Variants in GABRA3 observed in about 807,000 individuals in gnomAD.
The protein encoded by GABRA3 is gamma-aminobutyric acid type A receptor subunit alpha3.
A neutral mutation model predicts 30.1 loss-of-function variants in GABRA3; 10 were observed. That is an observed-to-expected ratio of 0.33 (90% CI 0.20 to 0.56). GABRA3 has a LOEUF of 0.56. Among genes scored for constraint, GABRA3 ranks in the 20% least tolerant of loss-of-function variants. GABRA3 has a pLI of 0.89. For synonymous variants in GABRA3, 151 were observed against 146.8 expected, an observed-to-expected ratio of 1.03 and a Z score of -0.21; for missense variants, 233 against 392.0, an observed-to-expected ratio of 0.59 and a Z score of 3.42.
At chrX:152,273,885 T>A (rs1361400530) in intron 4 of GABRA3, among the ~76,000 whole-genome samples, 1 of 111,584 alleles carries the variant, frequency 9.0e-6, no homozygotes, top group Non-Finnish European at 1.9e-5. Context: ...AAAGTGTATA[T>A]GTATTATTTT....
At position 152,235,382 on chromosome X, in the gene GABRA3, C is replaced by A. The variant is rs367593301; in HGVS notation, c.552-10537G>T. ...GGTAGAGTCTCTGGGATTTTGCAGC[C>A]GGAGCAATTAGGCAAGGGAAAGAAA... On this transcript the variant is annotated intron_variant, in intron 5 of 9. Coordinates refer to ENST00000370314, the MANE Select transcript of GABRA3 (RefSeq NM_000808.4). 6.3e-5 allele frequency among the ~76,000 whole-genome samples: 7 copies of A among 110,602 alleles called. No individual in the cohort carries two copies. The East Asian group carries it at 2.0e-3, about 32-fold the overall frequency.
rs147266445 is a variant in GABRA3 at position 152,405,065 on chromosome X, C to T, written c.-26-40469G>A. Among the ~76,000 whole-genome samples, 527 of 108,362 alleles carry T rather than the reference C, an allele frequency of 4.9e-3. 1 individual carries two copies. The highest frequency in any genetic ancestry group is 9.5e-3 in the Middle Eastern group (2 of 211). 94.1% of individuals were successfully genotyped at this position (108,362 alleles called of 115,157 possible). A position where few individuals can be genotyped will look rare whatever the true frequency, so the allele number is the denominator to read the frequency against. On this transcript the variant is annotated intron_variant, in intron 1 of 9. Coordinates refer to ENST00000370314, the MANE Select transcript of GABRA3 (RefSeq NM_000808.4). ...TTTAATATAATATCAAGGGAGGAGG[C>T]ATTGAAGAGGATAAGAAAGACAGTC...
intron 1 of GABRA3, among the ~76,000 whole-genome samples, chrX:152,388,714 T>C (rs1287857652): frequency 8.9e-6 from 1 of 112,510 alleles, no homozygotes; most frequent in Non-Finnish European, 1.9e-5. Context: ...TTCAGGCAGA[T>C]ACTGCATGTA....
At chrX:152,374,643 C>T (rs763995179) in intron 1 of GABRA3, among the ~76,000 whole-genome samples, 9 of 111,886 alleles carry the variant, frequency 8.0e-5, no homozygotes, top group Admixed American at 2.8e-4. Context: ...AGCCACCGCG[C>T]TTGGCCCAAT....
At chrX:152,429,237 T>C (rs1425438641) in intron 1 of GABRA3, among the ~76,000 whole-genome samples, 1 of 110,634 alleles carries the variant, frequency 9.0e-6, no homozygotes, top group Non-Finnish European at 1.9e-5. Flanking sequence ...ACTACTTCTA[T>C]TAATCTACCT....
intron 2 of GABRA3, among the ~76,000 whole-genome samples, chrX:152,354,896 A>G (rs183046649): frequency 1.4e-3 from 154 of 112,028 alleles, no homozygotes; most frequent in East Asian, 5.7e-3. Context: ...GTATTGATGC[A>G]TTGATTCTTT....
chrX:152,399,717 T>C (rs936530469), intron 1 of GABRA3, among the ~76,000 whole-genome samples: 4 of 111,652 alleles, frequency 3.6e-5, no homozygotes, highest in African/African-American at 1.3e-4. Flanking sequence ...TAGATACAGA[T>C]TGGATTTAAA....
chrX:152,402,386 G>A (rs188118637), intron 1 of GABRA3, among the ~76,000 whole-genome samples: 12 of 112,072 alleles, frequency 1.1e-4, no homozygotes, highest in Non-Finnish European at 2.3e-4. Context: ...TCTGTGTGAT[G>A]TAATCTCTTT....
intron 4 of GABRA3, among the ~76,000 whole-genome samples, chrX:152,276,000 G>C (rs1380269053): frequency 9.1e-6 from 1 of 110,023 alleles, no homozygotes; most frequent in Admixed American, 9.9e-5. Context: ...CTAATATTAG[G>C]AAATCTATTG....
At chrX:152,357,477 T>C (rs1366087781) in intron 2 of GABRA3, among the ~76,000 whole-genome samples, 1 of 111,733 alleles carries the variant, frequency 8.9e-6, no homozygotes, top group Non-Finnish European at 1.9e-5. Context: ...AATTGGGTTG[T>C]TTTTTGCTTG....
chrX:152,232,917 A>T (rs1423306005), intron 5 of GABRA3, among the ~76,000 whole-genome samples: 1 of 110,962 alleles, frequency 9.0e-6, no homozygotes, highest in Non-Finnish European at 1.9e-5. Context: ...GGTTATGCTA[A>T]TTCAAATTCC....
At chrX:152,179,737 G>A (rs1937121365) in intron 9 of GABRA3, among the ~76,000 whole-genome samples, 2 of 110,623 alleles carry the variant, frequency 1.8e-5, no homozygotes, top group South Asian at 7.8e-4. Context: ...CTCGTGATCT[G>A]CCCGCTTCAG....
intron 1 of GABRA3, among the ~76,000 whole-genome samples, chrX:152,410,139 C>T (rs1020711773): frequency 1.8e-5 from 2 of 111,870 alleles, no homozygotes; most frequent in Admixed American, 9.5e-5. Context: ...TTTGCATGTT[C>T]TCACTCATTT....
chrX:152,350,104 A>G (rs1362819880), intron 2 of GABRA3, among the ~76,000 whole-genome samples: 9 of 100,981 alleles, frequency 8.9e-5, no homozygotes, highest in Admixed American at 6.4e-4. Flanking sequence ...ATAACAAACT[A>G]TCTCTCAGAC....
chrX:152,225,348 G>C (rs1937922127), intron 5 of GABRA3, among the ~76,000 whole-genome samples: 1 of 109,043 alleles, frequency 9.2e-6, no homozygotes, highest in Non-Finnish European at 1.9e-5. Flanking sequence ...AACTGCTATA[G>C]CTTTGTTGAA....
chrX:152,256,822 A>T (rs1200883176), intron 4 of GABRA3, among the ~76,000 whole-genome samples: 1 of 111,996 alleles, frequency 8.9e-6, no homozygotes, highest in Non-Finnish European at 1.9e-5. Flanking sequence ...TACCTTTGAA[A>T]GATGGCAGCA....
intron 4 of GABRA3, among the ~76,000 whole-genome samples, chrX:152,276,074 A>G (rs889462904): frequency 1.2e-4 from 13 of 110,617 alleles, no homozygotes; most frequent in African/African-American, 3.0e-4. Flanking sequence ...ATACAGGCCA[A>G]AGGAAGAGTT....
At chrX:152,242,713 T>C (rs973909367) in intron 5 of GABRA3, among the ~76,000 whole-genome samples, 1 of 111,954 alleles carries the variant, frequency 8.9e-6, no homozygotes, top group African/African-American at 3.2e-5. Flanking sequence ...CCTGTTAGGA[T>C]GGCTACTATC....
chrX:152,358,063 A>C (rs1256066093), intron 2 of GABRA3, among the ~76,000 whole-genome samples: 1 of 105,798 alleles, frequency 9.5e-6, no homozygotes, highest in African/African-American at 3.5e-5. Context: ...ATACATTTTA[A>C]AATAGTTTTT....
Sources: gnomAD v4.1 joint callset for allele counts (sites outside exome capture counted in the v4.1 genomes callset) on GRCh38, gnomAD v4.1.1 for gene constraint, MANE v1.5 for transcripts, NCBI Gene and HGNC (gene_info 2026-07-23, HGNC 2026-07-21) for gene names.